CNTN1: variants seen among roughly 807,000 people sequenced by gnomAD.
CNTN1 encodes contactin-1.
A neutral mutation model predicts 126.4 loss-of-function variants in CNTN1; 38 were observed. That is an observed-to-expected ratio of 0.30 (90% CI 0.23 to 0.39). The LOEUF (loss-of-function observed/expected upper bound fraction) is 0.39, where lower values mean the gene tolerates loss of function less well. CNTN1 is among the 10% of genes least tolerant of loss of function. The pLI is 1.00. For missense variants in CNTN1, 1,009 were observed against 1,248.4 expected, an observed-to-expected ratio of 0.81 and a Z score of 2.89; for synonymous variants, 413 against 422.6, an observed-to-expected ratio of 0.98 and a Z score of 0.28.
intron 1 of CNTN1, among the ~76,000 whole-genome samples, chr12:40,846,523 C>T (rs1454688925): frequency 2.0e-5 from 3 of 152,166 alleles, no homozygotes; most frequent in Non-Finnish European, 4.4e-5. Context: ...TTCATTGCTC[C>T]CATGTGTCGT....
At chr12:40,759,653 G>C (rs769290888) in intron 1 of CNTN1, among the ~76,000 whole-genome samples, 10 of 151,780 alleles carry the variant, frequency 6.6e-5, no homozygotes, top group Non-Finnish European at 8.8e-5. Flanking sequence ...TTTTTTTGTA[G>C]AGATGTGGTC....
At chr12:41,048,564 A>G (rs557951228) in intron 23 of CNTN1, among the ~76,000 whole-genome samples, 3 of 152,000 alleles carry the variant, frequency 2.0e-5, no homozygotes, top group African/African-American at 7.2e-5. Flanking sequence ...TGCTTCAACT[A>G]CCCTTTCCTT....
chr12:40,834,178 G>T (rs897040297), intron 1 of CNTN1, among the ~76,000 whole-genome samples: 1 of 152,098 alleles, frequency 6.6e-6, no homozygotes, highest in Admixed American at 6.5e-5. Context: ...TCACAAGATC[G>T]TATCTTTTGG....
At chr12:40,721,840 C>T (rs918680431) in intron 1 of CNTN1, among the ~76,000 whole-genome samples, 2 of 150,632 alleles carry the variant, frequency 1.3e-5, no homozygotes, top group African/African-American at 2.4e-5. Flanking sequence ...CTGAGAATGA[C>T]GATTTCCAAT....
intron 1 of CNTN1, among the ~76,000 whole-genome samples, chr12:40,839,236 A>AG: frequency 1.4e-5 from 2 of 140,416 alleles, no homozygotes; most frequent in Middle Eastern, 8.5e-3. Flanking sequence ...AAAAATATAG[A>AG]AAAAAAACTT....
At chr12:41,029,002 G>A (rs1051093753) in intron 22 of CNTN1, 61 bp from the exon 23 acceptor site, 29 of 1,490,412 alleles carry the variant, frequency 1.9e-5, no homozygotes, top group Non-Finnish European at 2.4e-5. Flanking sequence ...TGGTTTTAGT[G>A]TTAGAGCATT....
intron 17 of CNTN1, among the ~76,000 whole-genome samples, chr12:41,007,003 G>T (rs1235483567): frequency 1.4e-5 from 2 of 146,370 alleles, no homozygotes; most frequent in Non-Finnish European, 3.0e-5. Context: ...GAGAATCAAT[G>T]AAGAGGCCAT....
intron 1 of CNTN1, among the ~76,000 whole-genome samples, chr12:40,744,310 A>AT (rs1026826148): frequency 1.4e-5 from 2 of 146,980 alleles, no homozygotes; most frequent in African/African-American, 2.6e-5. Flanking sequence ...TAAATAAAAA[A>AT]AAAATAAAAG....
At chr12:40,799,968 AG>A (rs1226560512) in intron 1 of CNTN1, among the ~76,000 whole-genome samples, 28 of 152,038 alleles carry the variant, frequency 1.8e-4, no homozygotes, top group African/African-American at 6.8e-4. Context: ...CCAAAGTGTG[AG>A]AAATGAAAGT....
intron 23 of CNTN1, among the ~76,000 whole-genome samples, chr12:41,045,603 C>G (rs536038556): frequency 6.6e-6 from 1 of 151,988 alleles, no homozygotes; most frequent in Non-Finnish European, 1.5e-5. Context: ...ATGGTCCATT[C>G]GATACTACAT....
At chr12:41,048,699 C>A (rs1328553174) in intron 23 of CNTN1, among the ~76,000 whole-genome samples, 1 of 142,720 alleles carries the variant, frequency 7.0e-6, no homozygotes, top group Non-Finnish European at 1.5e-5. Flanking sequence ...AACAGAGCAA[C>A]AATTGAAAGA....
rs113927565 is a variant in CNTN1 at position 40,898,842 on chromosome 12, T to C, written c.-76-9515T>C. ...GTACCTTTAGATTTGTGAAGTGGAA[T>C]AAATGCCTGATATTTTAACAAAGAT... On this transcript the variant is annotated intron_variant, in intron 1 of 23. Transcript: ENST00000551295. Among the ~76,000 whole-genome samples, 709 of 152,316 alleles carry C rather than the reference T, an allele frequency of 4.7e-3. 6 individuals carry two copies. The highest frequency in any genetic ancestry group is 0.013 in the African/African-American group (530 of 41,560).
chr12:41,048,859 T>G (rs1949607587), intron 23 of CNTN1, among the ~76,000 whole-genome samples: 1 of 152,214 alleles, frequency 6.6e-6, no homozygotes, highest in East Asian at 1.9e-4. Flanking sequence ...TTATCTTCTT[T>G]GGAGTAAAAT....
chr12:41,006,124 G>GGTATC (rs1555197520), intron 17 of CNTN1, among the ~76,000 whole-genome samples: 1 of 152,092 alleles, frequency 6.6e-6, no homozygotes, highest in Non-Finnish European at 1.5e-5. Flanking sequence ...GACCTTGAGG[G>GGTATC]TTTGATTGTG....
chr12:40,856,671 G>C (rs955120149), intron 1 of CNTN1, among the ~76,000 whole-genome samples: 3 of 152,126 alleles, frequency 2.0e-5, no homozygotes, highest in Non-Finnish European at 4.4e-5. Flanking sequence ...TAAACTAAAA[G>C]TGGACTCAAA....
At chr12:41,053,515 G>A (rs1949735680) in intron 23 of CNTN1, among the ~76,000 whole-genome samples, 1 of 133,362 alleles carries the variant, frequency 7.5e-6, no homozygotes, top group Admixed American at 8.1e-5. Context: ...CTTATTCCTG[G>A]AAACTCTTGT....
chr12:40,771,263 C>A lies in CNTN1; in HGVS notation c.-77+78671C>A, dbSNP rs151101400. On this transcript the variant is annotated intron_variant, in intron 1 of 23. Transcript: ENST00000551295. ...GAGAGTATTAGAATCTGGGCTAGAA[C>A]CATTTCTCAGGCTTGCAAACTAAAA... 8.4e-3 allele frequency among the ~76,000 whole-genome samples: 1,283 copies of A among 152,138 alleles called. 17 individuals are homozygous for A. The highest frequency in any genetic ancestry group is 0.029 in the African/African-American group (1,188 of 41,534).
intron 1 of CNTN1, among the ~76,000 whole-genome samples, chr12:40,780,031 G>C (rs550654289): frequency 1.3e-5 from 2 of 151,876 alleles, no homozygotes; most frequent in Non-Finnish European, 2.9e-5. Flanking sequence ...TCTGGACCAC[G>C]TGTCTTTCTC....
At chr12:41,040,219 C>A (rs201923188) in intron 23 of CNTN1, among the ~76,000 whole-genome samples, 3 of 152,090 alleles carry the variant, frequency 2.0e-5, no homozygotes, top group Admixed American at 6.6e-5. Context: ...TGTCAAAAGT[C>A]TTTCCTTAAA....
Sources: allele counts gnomAD v4.1 joint callset (sites outside exome capture counted in the v4.1 genomes callset), GRCh38; gene constraint gnomAD v4.1.1; transcripts MANE v1.5; gene names NCBI Gene and HGNC (gene_info 2026-07-23, HGNC 2026-07-21).